IL34: variants seen among roughly 807,000 people sequenced by gnomAD.
The protein encoded by IL34 is interleukin 34.
In IL34, 17 loss-of-function variants were observed where a neutral mutation model predicts 25.3. The ratio of observed to expected loss-of-function variants is 0.67; its 90% CI spans 0.46 to 1.01. IL34 has a LOEUF of 1.01. Ranked by LOEUF, IL34 falls within the 50% of genes least tolerant of loss-of-function variation. The pLI is 0.00. For synonymous variants in IL34, 174 were observed against 140.9 expected (o/e 1.23, Z -1.66); for missense variants, 368 against 312.9 (o/e 1.18, Z -1.33).
At chr16:70,640,162 G>T (rs1057084976) in intron 1 of IL34, among the ~76,000 whole-genome samples, 2 of 152,060 alleles carry the variant, frequency 1.3e-5, no homozygotes, top group African/African-American at 4.8e-5. Context: ...TTTGCTTTGA[G>T]ACAGGGTCTC....
At chr16:70,641,814 C>G (rs1002589313), upstream of IL34, among the ~76,000 whole-genome samples, 1 of 151,946 alleles carries the variant, frequency 6.6e-6, no homozygotes, top group Non-Finnish European at 1.5e-5. Context: ...CAATCCACCC[C>G]CCCGCAACCT....
At chr16:70,594,957 T>C (rs60432288) in intron 1 of IL34, among the ~76,000 whole-genome samples, 8,406 of 132,588 alleles carry the variant, frequency 0.063, 518 homozygotes, top group African/African-American at 0.19. Flanking sequence ...CTCTCTCTCT[T>C]TTTTTTTTTT....
chr16:70,619,565 G>A (rs12599595), intron 1 of IL34, among the ~76,000 whole-genome samples: 59,187 of 150,426 alleles, frequency 0.39, 11,588 homozygotes, highest in South Asian at 0.61. Context: ...AACAGTTATG[G>A]AGGCAAGGGA....
chr16:70,644,908 GAGGGAGGAGAAGGAGGAGGAAGGAGGAA>G (rs1567460874), upstream of IL34, among the ~76,000 whole-genome samples: 2 of 131,728 alleles, frequency 1.5e-5, no homozygotes, highest in Non-Finnish European at 3.3e-5. Flanking sequence ...GGAGGAAGAG[GAGGGAGGAGAAGGAGGAGGAAGGAGGAA>G]GAGGAGGAAG....
At chr16:70,617,407 C>A (rs892489239) in intron 1 of IL34, among the ~76,000 whole-genome samples, 1 of 152,186 alleles carries the variant, frequency 6.6e-6, no homozygotes, top group African/African-American at 2.4e-5. Context: ...GCAGTGTAAA[C>A]AAGAGCAGGG....
upstream of IL34, among the ~76,000 whole-genome samples, chr16:70,642,268 C>G (rs11075774): frequency 0.075 from 11,160 of 148,122 alleles, 1,321 homozygotes; most frequent in African/African-American, 0.26. Flanking sequence ...AAGACAGAGA[C>G]AGAGAGAGTG....
intron 1 of IL34, among the ~76,000 whole-genome samples, chr16:70,603,782 A>G (rs973210290): frequency 6.6e-6 from 1 of 151,602 alleles, no homozygotes; most frequent in Admixed American, 6.6e-5. Context: ...GGTTCTCATC[A>G]TGTTGCCCAG....
chr16:70,628,413 A>G (rs185676292), intron 1 of IL34, among the ~76,000 whole-genome samples: 2 of 151,582 alleles, frequency 1.3e-5, no homozygotes, highest in Non-Finnish European at 2.9e-5. Context: ...GGTATTTTAC[A>G]TTTTTTGTTG....
chr16:70,653,605 G>C (rs2052136743), intron 1 of IL34, among the ~76,000 whole-genome samples: 1 of 152,180 alleles, frequency 6.6e-6, no homozygotes. Context: ...GGCTGAGGCA[G>C]AAGGATCGCT....
chr16:70,592,960 T>C (rs2050774111), intron 1 of IL34, among the ~76,000 whole-genome samples: 1 of 152,128 alleles, frequency 6.6e-6, no homozygotes, highest in African/African-American at 2.4e-5. Flanking sequence ...CCCTATTTTT[T>C]AAATTTTTCT....
At chr16:70,614,833 G>T (rs536622346) in intron 1 of IL34, among the ~76,000 whole-genome samples, 2 of 152,194 alleles carry the variant, frequency 1.3e-5, no homozygotes, top group Non-Finnish European at 2.9e-5. Context: ...GGCTCTGTTG[G>T]AACAGGAGCT....
chr16:70,581,019 C>G (rs1419031335), intron 1 of IL34, among the ~76,000 whole-genome samples: 1 of 151,226 alleles, frequency 6.6e-6, no homozygotes. Context: ...TCAAGCGATT[C>G]TCCTGCCTCA....
At chr16:70,625,078 A>AT (rs2051362354) in intron 1 of IL34, among the ~76,000 whole-genome samples, 3 of 152,188 alleles carry the variant, frequency 2.0e-5, no homozygotes, top group East Asian at 1.9e-4. Flanking sequence ...TCAAAGTGCC[A>AT]TTTTTTGGCT....
At chr16:70,640,735 C>G (rs1178004377) in intron 1 of IL34, among the ~76,000 whole-genome samples, 2 of 152,186 alleles carry the variant, frequency 1.3e-5, no homozygotes, top group East Asian at 3.9e-4. Context: ...AGCTCATCCT[C>G]TTTAAGCATA....
At chr16:70,631,794 C>G (rs2051523832) in intron 1 of IL34, among the ~76,000 whole-genome samples, 1 of 152,190 alleles carries the variant, frequency 6.6e-6, no homozygotes. Flanking sequence ...GTGCAGCTTA[C>G]TGTTGTGTGT....
chr16:70,638,504 C>T (rs1427640937), intron 1 of IL34, among the ~76,000 whole-genome samples: 1 of 152,106 alleles, frequency 6.6e-6, no homozygotes, highest in Admixed American at 6.6e-5. Flanking sequence ...GGGAAACTTT[C>T]CTGCCTTCTG....
intron 4 of IL34, 143 bp from the exon 5 acceptor site, chr16:70,659,475 A>C: frequency 9.5e-7 from 1 of 1,056,534 alleles, no homozygotes; most frequent in Non-Finnish European, 1.3e-6. Flanking sequence ...GATGGTGAGA[A>C]ATAGCTATCC....
intron 1 of IL34, among the ~76,000 whole-genome samples, chr16:70,649,757 C>T (rs2052032549): frequency 6.6e-6 from 1 of 152,080 alleles, no homozygotes; most frequent in South Asian, 2.1e-4. Context: ...ACAGATCTTT[C>T]TTAAGCCTCC....
intron 1 of IL34, among the ~76,000 whole-genome samples, chr16:70,627,221 C>G (rs892967443): frequency 6.6e-6 from 1 of 152,130 alleles, no homozygotes; most frequent in African/African-American, 2.4e-5. Context: ...TCCATTTGAA[C>G]TTTAACATCT....
Sources: gnomAD v4.1 joint callset for allele counts (sites outside exome capture counted in the v4.1 genomes callset) on GRCh38, gnomAD v4.1.1 for gene constraint, MANE v1.5 for transcripts, NCBI Gene and HGNC (gene_info 2026-07-23, HGNC 2026-07-21) for gene names.